BCAR3: variants seen among roughly 807,000 people sequenced by gnomAD.
BCAR3 encodes the protein BCAR3 adaptor protein, NSP family member.
BCAR3 carries 37 observed loss-of-function variants against 80.1 expected under a neutral mutation model. The observed-to-expected ratio is 0.46, with a 90% confidence interval of 0.36 to 0.61. The LOEUF (loss-of-function observed/expected upper bound fraction) is 0.61. Among genes scored for constraint, BCAR3 ranks in the 20% least tolerant of loss-of-function variants. BCAR3 has a pLI of 0.00. For missense variants in BCAR3, 978 were observed against 1,068.2 expected, an observed-to-expected ratio of 0.92 and a Z score of 1.18; for synonymous variants, 389 against 418.9, an observed-to-expected ratio of 0.93 and a Z score of 0.87.
intron 2 of BCAR3, among the ~76,000 whole-genome samples, chr1:93,743,263 G>A (rs1241741548): frequency 6.6e-6 from 1 of 152,062 alleles, no homozygotes; most frequent in East Asian, 1.9e-4. Flanking sequence ...CATCTAATAG[G>A]GAATGAGAAA....
At chr1:93,571,219 A>T (rs1673199081) in intron 9 of BCAR3, among the ~76,000 whole-genome samples, 1 of 151,442 alleles carries the variant, frequency 6.6e-6, no homozygotes, top group Admixed American at 6.6e-5. Context: ...AAAAAAAAAT[A>T]GACCCCAGTC....
chr1:93,712,157 G>C (rs1436998732), intron 2 of BCAR3, among the ~76,000 whole-genome samples: 1 of 152,212 alleles, frequency 6.6e-6, no homozygotes, highest in African/African-American at 2.4e-5. Context: ...TGAACATGTA[G>C]CAGGCACTGA....
intron 2 of BCAR3, among the ~76,000 whole-genome samples, chr1:93,660,668 C>CAT (rs1336970971): frequency 6.6e-6 from 1 of 152,218 alleles, no homozygotes; most frequent in Non-Finnish European, 1.5e-5. Context: ...GAATATTGTG[C>CAT]ATATAGCCTT....
At chr1:93,740,840 G>A (rs1651151177) in intron 2 of BCAR3, among the ~76,000 whole-genome samples, 1 of 152,178 alleles carries the variant, frequency 6.6e-6, no homozygotes, top group Admixed American at 6.5e-5. Flanking sequence ...AGTAGGGCGG[G>A]CTTTTTGTTT....
At chr1:93,672,362 G>C (rs1209437010) in intron 2 of BCAR3, among the ~76,000 whole-genome samples, 1 of 151,664 alleles carries the variant, frequency 6.6e-6, no homozygotes, top group East Asian at 1.9e-4. Context: ...CTTTGTAAGA[G>C]CTGGCACCTA....
chr1:93,587,699 G>A (rs59146516), intron 5 of BCAR3, among the ~76,000 whole-genome samples: 18,063 of 134,892 alleles, frequency 0.13, 1,314 homozygotes, highest in Middle Eastern at 0.2. Context: ...GGACCCCCCC[G>A]CCAAAAAAAA....
In BCAR3 at chr1:93,824,030, C is replaced by T. The variant is rs140957960; in HGVS notation, c.-63+21537G>A. On this transcript the variant is annotated intron_variant, in intron 2 of 13. Coordinates refer to the BCAR3 transcript ENST00000370244. ...ATCTCATTGTTTACTTGTCTGTCAC[C>T]CCTCACTAGAAGGTAACCTAGAATA... 1.5e-5 allele frequency among the ~76,000 whole-genome samples: 2 copies of T among 133,750 alleles called. 1 individual carries two copies. Among genetic ancestry groups the T allele is most frequent in the Non-Finnish European group, 3.4e-5 (2 of 59,172 alleles). The allele number at this position is 133,750 out of a possible 152,430, so 87.7% of individuals were successfully genotyped here. A position where few individuals can be genotyped will look rare whatever the true frequency, so the allele number is the denominator to read the frequency against.
At chr1:93,764,974 C>T (rs572695779) in intron 2 of BCAR3, among the ~76,000 whole-genome samples, 22 of 152,278 alleles carry the variant, frequency 1.4e-4, no homozygotes, top group African/African-American at 5.3e-4. Flanking sequence ...AGTGGGACCT[C>T]GCTCTTACGC....
chr1:93,773,707 C>T lies in BCAR3; in HGVS notation c.-62-67565G>A, dbSNP rs140468346. On this transcript the variant is annotated intron_variant, in intron 2 of 13. Coordinates refer to the BCAR3 transcript ENST00000370244. Reference sequence around the variant, plus strand: ...AGTGAACTGTGTCCAAAGCTCTGTCCCAGCCTGACCAGGACCTCTTAGGTT... The same window carrying T: ...AGTGAACTGTGTCCAAAGCTCTGTCTCAGCCTGACCAGGACCTCTTAGGTT... 3.0e-3 allele frequency among the ~76,000 whole-genome samples: 460 copies of T among 152,282 alleles called. 1 individual carries two copies. Among genetic ancestry groups the T allele is most frequent in the African/African-American group, 0.011 (451 of 41,566 alleles).
intron 7 of BCAR3, among the ~76,000 whole-genome samples, chr1:93,579,199 G>A (rs1018189353): frequency 2.6e-5 from 4 of 152,202 alleles, no homozygotes; most frequent in African/African-American, 9.7e-5. Context: ...ACAAGCACGC[G>A]GGGCCCAGAT....
intron 3 of BCAR3, among the ~76,000 whole-genome samples, chr1:93,618,285 A>G (rs1390233704): frequency 2.6e-5 from 4 of 152,230 alleles, no homozygotes; most frequent in African/African-American, 9.6e-5. Flanking sequence ...GTGAACACAG[A>G]CAGTACATTT....
chr1:93,796,544 C>T (rs886890128), intron 2 of BCAR3, among the ~76,000 whole-genome samples: 6 of 151,018 alleles, frequency 4.0e-5, no homozygotes, highest in East Asian at 2.0e-4. Flanking sequence ...CACTGGCCTG[C>T]GCCCACTGTC....
At position 93,629,137 on chromosome 1, in the gene BCAR3, C is replaced by T. The variant is rs567462802; in HGVS notation, c.357+13167G>A. Among the ~76,000 whole-genome samples, 9 of 152,294 alleles carry T rather than the reference C, an allele frequency of 5.9e-5. No homozygotes were observed. The South Asian group carries it at 6.2e-4, about 11-fold the overall frequency. On this transcript the variant is annotated intron_variant, in intron 3 of 11. Coordinates refer to ENST00000260502, the MANE Select transcript of BCAR3 (RefSeq NM_003567.4). ...AATTCCTCCCAAACTCATTTCTTAA[C>T]GTGATCTTCTTCTCGGAATCTCTTT...
intron 2 of BCAR3, among the ~76,000 whole-genome samples, chr1:93,777,384 TTCTTCCTCTTCTTCCTCTTCCTCC>T (rs1652596318): frequency 7.5e-6 from 1 of 133,108 alleles, no homozygotes; most frequent in African/African-American, 3.4e-5. Flanking sequence ...CCTCCTCTTC[TTCTTCCTCTTCTTCCTCTTCCTCC>T]TCCTCTTCCT....
intron 3 of BCAR3, among the ~76,000 whole-genome samples, chr1:93,623,988 T>C (rs1418952744): frequency 1.3e-5 from 2 of 152,146 alleles, no homozygotes; most frequent in Non-Finnish European, 2.9e-5. Flanking sequence ...GGGACTTCCA[T>C]GGAAATAATT....
chr1:93,724,941 T>C (rs2100675019), intron 2 of BCAR3, among the ~76,000 whole-genome samples: 1 of 152,312 alleles, frequency 6.6e-6, no homozygotes. Flanking sequence ...TGAAACTGCC[T>C]GACGGAAGGG....
At chr1:93,629,304 A>T (rs1352847178) in intron 3 of BCAR3, among the ~76,000 whole-genome samples, 1 of 152,214 alleles carries the variant, frequency 6.6e-6, no homozygotes, top group African/African-American at 2.4e-5. Context: ...CCTTCCTGCC[A>T]AGCCGAGATG....
chr1:93,585,491 A>G (rs2101837235), intron 5 of BCAR3, among the ~76,000 whole-genome samples: 1 of 152,332 alleles, frequency 6.6e-6, no homozygotes, highest in South Asian at 2.1e-4. Context: ...TTTTTAAACC[A>G]GGATCATTCA....
chr1:93,772,038 G>C (rs992984388), intron 2 of BCAR3, among the ~76,000 whole-genome samples: 4 of 152,164 alleles, frequency 2.6e-5, no homozygotes, highest in African/African-American at 9.7e-5. Context: ...TCAACGGAAG[G>C]CTAGGCATTT....
Sources: gnomAD v4.1 joint callset for allele counts (sites outside exome capture counted in the v4.1 genomes callset) on GRCh38, gnomAD v4.1.1 for gene constraint, MANE v1.5 for transcripts, NCBI Gene and HGNC (gene_info 2026-07-23, HGNC 2026-07-21) for gene names.